The following TBC1D8B variants were observed in gnomAD, a reference collection of about 807,000 sequenced individuals.
TBC1D8B encodes the protein TBC1 domain family member 8B, also known as RP11-321G1.1.
Under a neutral mutation model 82.9 loss-of-function variants are expected in TBC1D8B, and 75 were observed. The observed-to-expected ratio is 0.90, with a 90% CI of 0.75 to 1.10. The LOEUF is 1.10. Ranked by LOEUF, TBC1D8B falls within the 50% of genes least tolerant of loss-of-function variation. The pLI is 0.00. For missense variants in TBC1D8B, 794 were observed against 796.9 expected, an observed-to-expected ratio of 1.00 and a Z score of 0.04; for synonymous variants, 276 against 276.8, an observed-to-expected ratio of 1.00 and a Z score of 0.03.
At position 106,853,555 on chromosome X, in the gene TBC1D8B, T is replaced by C. The variant is rs1258665425; in HGVS notation, c.2158T>C (p.Leu720=). The change falls in exon 13 of 21, where the codon TTG becomes CTG. Residue 720 remains leucine (L), a synonymous_variant. Coordinates refer to ENST00000357242, the MANE Select transcript of TBC1D8B (RefSeq NM_017752.3). ...FDNVTNKDSP[L]PSNVQQGSNV... ...CAATGTCACTAATAAGGATAGTCCA[T>C]TGCCTTCAAATGTTCAGCAAGGTTC... The C allele has an allele frequency of 1.2e-5, 14 of 1,208,820 alleles. No individual in the cohort carries two copies. Among genetic ancestry groups the C allele is most frequent in the South Asian group, 7.0e-5 (4 of 56,886 alleles).
At chrX:106,826,282 T>C (rs1447765192) in intron 6 of TBC1D8B, 45 bp downstream of exon 6, 1 of 1,058,335 alleles carries the variant, frequency 9.4e-7, no homozygotes, top group East Asian at 3.1e-5. Flanking sequence ...TTGAAAATGT[T>C]ATCCTTCACA....
chrX:106,815,725 A>T (rs1931524176), intron 1 of TBC1D8B: 1 of 111,081 alleles, frequency 9.0e-6, no homozygotes, highest in Admixed American at 9.6e-5. Context: ...TATTTCATTG[A>T]GCAGTGGTTT....
intron 12 of TBC1D8B, among the ~76,000 whole-genome samples, chrX:106,851,962 T>C: frequency 9.1e-6 from 1 of 110,109 alleles, no homozygotes; most frequent in East Asian, 2.9e-4. Flanking sequence ...ATGGTATTTC[T>C]AGTTCTAGAT....
chrX:106,874,280 A>G lies in TBC1D8B; in HGVS notation c.*315A>G, dbSNP rs1932871983. The G allele has an allele frequency of 6.7e-6, 1 of 149,541 alleles. No individual in the cohort carries two copies. The highest frequency in any genetic ancestry group is 8.2e-5 in the Admixed American group (1 of 12,199). 12.3% of individuals were successfully genotyped at this position (149,541 alleles called of 1,213,427 possible). On this transcript the variant is annotated 3_prime_UTR_variant, in exon 21 of 21. Coordinates refer to ENST00000357242, the MANE Select transcript of TBC1D8B (RefSeq NM_017752.3). ...ATATCAGGGGAATATGCTAAATGTT[A>G]CCACCAGAGGGCACAAGCATATCAC... is the stretch of plus-strand genomic sequence containing the variant.
At position 106,808,692 on chromosome X, in the gene TBC1D8B, G is replaced by A. The variant is rs1335363579; in HGVS notation, c.130+5709G>A. ...CTGGAAGTTCTCAAACAGTGCTTCC[G>A]TAGATATCAGCATCACTTGTCTTGC... On this transcript the variant is annotated intron_variant, in intron 1 of 20. Transcript: ENST00000357242. Among the ~76,000 whole-genome samples, 4 of 112,156 alleles carry A rather than the reference G, an allele frequency of 3.6e-5. No homozygotes were observed. In the Admixed American group the frequency reaches 3.8e-4, roughly 11 times the overall value.
In TBC1D8B at chrX:106,860,340, G is replaced by GGTGTGT. The variant is rs3078333; in HGVS notation, c.2353-5178_2353-5173dup. On this transcript the variant is annotated intron_variant, in intron 14 of 20. Transcript: ENST00000357242. ...ATCTGGTACTGGGCTTTTTATGATT[G>GGTGTGT]GTGTGTGTGTGTGTGTGTGTGTGTG... is the stretch of plus-strand genomic sequence containing the variant. 6.0e-3 allele frequency among the ~76,000 whole-genome samples: 496 copies of GGTGTGT among 82,765 alleles called. 2 individuals carry two copies. The highest frequency in any genetic ancestry group is 9.0e-3 in the East Asian group (22 of 2,452). 71.9% of individuals were successfully genotyped at this position (82,765 alleles called of 115,157 possible).
At chrX:106,814,890 G>T (rs1264610409) in intron 1 of TBC1D8B, 2 of 111,721 alleles carry the variant, frequency 1.8e-5, no homozygotes, top group African/African-American at 3.3e-5. Context: ...TTTTGATGGG[G>T]TTGTTTGTTT....
At chrX:106,838,869 T>A (rs1429657795) in intron 7 of TBC1D8B, among the ~76,000 whole-genome samples, 1 of 111,704 alleles carries the variant, frequency 9.0e-6, no homozygotes, top group Non-Finnish European at 1.9e-5. Context: ...GATAGGGCTT[T>A]TAATGAAACT....
rs186472324 is a variant in TBC1D8B, at chrX:106,843,117, T to C, written c.1719+2233T>C. 1.3e-4 allele frequency among the ~76,000 whole-genome samples: 15 copies of C among 111,849 alleles called. No individual in the cohort carries two copies. The East Asian group carries it at 4.2e-3, about 31-fold the overall frequency. ...TTAATAGTTATTTGAGATGTTTTCTTGTTTTGGCTGTTGTGAATAATGCTG... is the reference window on the plus strand; with the variant it reads ...TTAATAGTTATTTGAGATGTTTTCTCGTTTTGGCTGTTGTGAATAATGCTG... On this transcript the variant is annotated intron_variant, in intron 10 of 20. Transcript: ENST00000357242.
At chrX:106,843,580 C>T (rs976791110) in intron 10 of TBC1D8B, among the ~76,000 whole-genome samples, 2 of 111,630 alleles carry the variant, frequency 1.8e-5, no homozygotes, top group Non-Finnish European at 1.9e-5. Flanking sequence ...ATACCAGTGC[C>T]ACATTGTCTT....
chrX:106,869,604 T>C, intron 19 of TBC1D8B, 63 bp downstream of exon 19: 1 of 947,146 alleles, frequency 1.1e-6, no homozygotes, highest in Non-Finnish European at 1.5e-6. Context: ...TAAGGATAGC[T>C]ACAAAGGGGG....
At position 106,874,108 on chromosome X, in the gene TBC1D8B, A is replaced by C. The variant is rs1022890655; in HGVS notation, c.*143A>C. ...TATATATCCAGAAGCACAATGCATCATTCCTTTGTTGTTGATAATGGGCTT... is the reference window on the plus strand; with the variant it reads ...TATATATCCAGAAGCACAATGCATCCTTCCTTTGTTGTTGATAATGGGCTT... On this transcript the variant is annotated 3_prime_UTR_variant, in exon 21 of 21. Coordinates refer to ENST00000357242, the MANE Select transcript of TBC1D8B (RefSeq NM_017752.3). 1 of 521,072 alleles carries C rather than the reference A, an allele frequency of 1.9e-6. No individual in the cohort carries two copies. Among genetic ancestry groups the C allele is most frequent in the Non-Finnish European group, 2.8e-6 (1 of 352,664 alleles). 42.9% of individuals were successfully genotyped at this position (521,072 alleles called of 1,213,427 possible). A position where few individuals can be genotyped will look rare whatever the true frequency, so the allele number is the denominator to read the frequency against.
At chrX:106,828,299 A>G (rs1292704346) in intron 7 of TBC1D8B, 1 of 114,721 alleles carries the variant, frequency 8.7e-6, no homozygotes, top group Non-Finnish European at 1.9e-5. Flanking sequence ...GCAATAATCA[A>G]TAGCTTAACA....
At chrX:106,821,332 A>G (rs1475382241) in intron 3 of TBC1D8B, among the ~76,000 whole-genome samples, 1 of 110,731 alleles carries the variant, frequency 9.0e-6, no homozygotes, top group Non-Finnish European at 1.9e-5. Context: ...TGCCCTTGTG[A>G]ATGCTTTTAG....
At chrX:106,862,766 G>GTTTTTTTT (rs199693098) in intron 14 of TBC1D8B, among the ~76,000 whole-genome samples, 3 of 35,801 alleles carry the variant, frequency 8.4e-5, no homozygotes, top group Non-Finnish European at 1.7e-4. Flanking sequence ...CTTTGGATGG[G>GTTTTTTTT]TTTTTTTTTG....
chrX:106,851,863 C>T (rs954341527), intron 12 of TBC1D8B, among the ~76,000 whole-genome samples: 11 of 111,480 alleles, frequency 9.9e-5, no homozygotes, highest in East Asian at 5.6e-4. Context: ...TGAATAGTGC[C>T]GCTATAAACA....
intron 14 of TBC1D8B, among the ~76,000 whole-genome samples, chrX:106,855,692 G>A (rs1932681063): frequency 9.0e-6 from 1 of 111,629 alleles, no homozygotes; most frequent in African/African-American, 3.3e-5. Flanking sequence ...AAACATTCTT[G>A]TATATCTATT....
chrX:106,866,892 C>T (rs1417197184), intron 17 of TBC1D8B, 30 bp downstream of exon 17: 7 of 1,037,551 alleles, frequency 6.7e-6, no homozygotes, highest in Non-Finnish European at 7.8e-6. Flanking sequence ...TAACGATGTA[C>T]AGCAGGAATT....
At chrX:106,812,446 T>G (rs1602405019) in intron 1 of TBC1D8B, among the ~76,000 whole-genome samples, 1 of 112,019 alleles carries the variant, frequency 8.9e-6, no homozygotes, top group African/African-American at 3.2e-5. Flanking sequence ...TAATTGAACA[T>G]TTTACTTAGA....
Sources: gnomAD v4.1 joint callset for allele counts (sites outside exome capture counted in the v4.1 genomes callset) on GRCh38, gnomAD v4.1.1 for gene constraint, MANE v1.5 for transcripts, NCBI Gene and HGNC (gene_info 2026-07-23, HGNC 2026-07-21) for gene names.